Variants in NUSAP1 observed in about 807,000 individuals in gnomAD.
The protein encoded by NUSAP1 is nucleolar and spindle associated protein 1, also known as nucleolar and spindle-associated protein 1.
Under a neutral mutation model 52.8 loss-of-function variants are expected in NUSAP1, and 32 were observed. That is an observed-to-expected ratio of 0.61 (90% CI 0.46 to 0.81). NUSAP1 has a LOEUF of 0.81. NUSAP1 is among the 40% of genes least tolerant of loss of function. NUSAP1 has a pLI of 0.00. For missense variants in NUSAP1, 499 were observed against 522.3 expected, an observed-to-expected ratio of 0.96 and a Z score of 0.43; for synonymous variants, 195 against 183.1, an observed-to-expected ratio of 1.06 and a Z score of -0.52.
intron 4 of NUSAP1, among the ~76,000 whole-genome samples, chr15:41,355,607 C>T (rs371366918): frequency 1.3e-5 from 2 of 152,018 alleles, no homozygotes; most frequent in African/African-American, 4.8e-5. Context: ...GTTTCTACCA[C>T]CATCTTGACA....
chr15:41,374,111 T>C (rs2049823843), intron 8 of NUSAP1, among the ~76,000 whole-genome samples: 1 of 152,248 alleles, frequency 6.6e-6, no homozygotes, highest in African/African-American at 2.4e-5. Flanking sequence ...TCCTCAATTA[T>C]TGTTTTCCCC....
chr15:41,377,509 C>T (rs757105624), intron 10 of NUSAP1, among the ~76,000 whole-genome samples: 1 of 150,342 alleles, frequency 6.7e-6, no homozygotes, highest in Non-Finnish European at 1.5e-5. Context: ...ACCATCCTGG[C>T]TAACACGGTG....
At chr15:41,337,985 T>G (rs919306182) in intron 1 of NUSAP1, among the ~76,000 whole-genome samples, 5 of 144,172 alleles carry the variant, frequency 3.5e-5, no homozygotes, top group Admixed American at 1.5e-4. Flanking sequence ...CAGGCTAGAG[T>G]GCAGTGGCGC....
intron 6 of NUSAP1, among the ~76,000 whole-genome samples, chr15:41,364,070 G>A (rs1232754482): frequency 2.0e-5 from 3 of 152,030 alleles, no homozygotes; most frequent in South Asian, 2.1e-4. Context: ...GGGCTTAAGC[G>A]ATCCTCCTGC....
chr15:41,378,042 A>G (rs545382109), intron 10 of NUSAP1, among the ~76,000 whole-genome samples: 1 of 152,048 alleles, frequency 6.6e-6, no homozygotes, highest in African/African-American at 2.4e-5. Flanking sequence ...ACATCTGCCT[A>G]GGTTCCAGTG....
At position 41,378,958 on chromosome 15, in the gene NUSAP1, T is replaced by TTTTTTTTTTG. The variant is rs1411472392; in HGVS notation, c.1233-1126_1233-1125insGTTTTTTTTT. On this transcript the variant is annotated intron_variant, in intron 10 of 10. Transcript: ENST00000559596. ...AACTTATCTTGGTTTTTTTTTTTTTTTTTTTTTTTTTTTGAGATGGAGTCT... is the reference window on the plus strand; with the variant it reads ...AACTTATCTTGGTTTTTTTTTTTTTTTTTTTTTTTGTTTTTTTTTTTTTGAGATGGAGTCT... Among the ~76,000 whole-genome samples, 62 of 114,190 alleles carry TTTTTTTTTTG rather than the reference T, an allele frequency of 5.4e-4. 2 individuals carry two copies. The highest frequency in any genetic ancestry group is 1.1e-3 in the Non-Finnish European group (60 of 55,628). 74.9% of individuals were successfully genotyped at this position (114,190 alleles called of 152,430 possible).
rs1220073084 is a variant in NUSAP1, at chr15:41,362,987, A to ATAT, written c.661-2414_661-2412dup. On this transcript the variant is annotated intron_variant, in intron 6 of 10. Coordinates refer to ENST00000559596, the MANE Select transcript of NUSAP1 (RefSeq NM_016359.5). ...CCCTGTCTCAAAAAAATGTATAGAC[A>ATAT]TATATACTTATATATATGGCTGGGC... Among the ~76,000 whole-genome samples the ATAT allele has an allele frequency of 3.3e-5, 5 of 152,042 alleles. No homozygotes were observed. The East Asian group carries it at 9.8e-4, about 30-fold the overall frequency.
chr15:41,379,729 T>C (rs899807441), intron 10 of NUSAP1, among the ~76,000 whole-genome samples: 6 of 152,044 alleles, frequency 3.9e-5, no homozygotes, highest in African/African-American at 1.4e-4. Context: ...GTATTTTTAG[T>C]AGAGACGGGG....
rs183357826 is a variant in NUSAP1 at position 41,371,591 on chromosome 15, T to A, written c.913T>A (p.Ser305Thr). Residue 305 changes from serine to threonine, a missense_variant, in exon 8 of 11, where the codon TCT (serine) becomes ACT (threonine). Ser to Thr is a moderately conservative substitution (Grantham distance 58). Transcript: ENST00000559596. ...RSLTKTPARKSAHVTVSGGTP... is the reference protein window; with the variant it reads ...RSLTKTPARKTAHVTVSGGTP... ...ACTGACCAAGACTCCAGCCAGAAAG[T>A]CTGCACATGTGACCGTGTCTGGGGG... 1.9e-4 allele frequency: 310 copies of A among 1,611,558 alleles called. No individual in the cohort carries two copies. Among genetic ancestry groups the A allele is most frequent in the Non-Finnish European group, 2.5e-4 (291 of 1,179,322 alleles).
In NUSAP1 at chr15:41,380,404, C is replaced by T. The variant is rs1481392228; in HGVS notation, c.*218C>T. ...CTTTGGGATGGTTTTTACTTAAGTC[C>T]ATTAACAATTCAGGTTTCTAACGAG... On this transcript the variant is annotated 3_prime_UTR_variant, in exon 11 of 11. Coordinates refer to ENST00000559596, the MANE Select transcript of NUSAP1 (RefSeq NM_016359.5). 2.2e-5 allele frequency: 8 copies of T among 361,810 alleles called. No individual in the cohort carries two copies. The highest frequency in any genetic ancestry group is 1.3e-4 in the African/African-American group (6 of 47,034). The allele number at this position is 361,810 out of a possible 1,614,324, so 22.4% of individuals were successfully genotyped here.
At chr15:41,346,431 G>A (rs1265108233) in intron 2 of NUSAP1, among the ~76,000 whole-genome samples, 2 of 152,004 alleles carry the variant, frequency 1.3e-5, no homozygotes, top group Non-Finnish European at 2.9e-5. Context: ...AGCCTCATAA[G>A]TAGCTGGAAC....
chr15:41,350,841 G>A (rs2048750446), intron 3 of NUSAP1, 147 bp from the exon 4 acceptor site: 1 of 649,302 alleles, frequency 1.5e-6, no homozygotes, highest in Non-Finnish European at 2.6e-6. Flanking sequence ...CAGTTGATAA[G>A]GCAGAGAACC....
At position 41,351,185 on chromosome 15, in the gene NUSAP1, G is replaced by A. The variant is rs2140632919; in HGVS notation, c.448+56G>A. ...ACTTTAAAAACCAAAATTGCTAGAA[G>A]TAGCCAGGTACATTAATTTCCTAGG... On this transcript the variant is annotated intron_variant, in intron 4 of 10. Transcript: ENST00000559596. The A allele has an allele frequency of 3.2e-6, 5 of 1,553,726 alleles. No homozygotes were observed. In the Admixed American group the frequency reaches 5.8e-5, roughly 18 times the overall value.
Position 41,356,114 on chromosome 15 carries a change from A to T in NUSAP1, c.524A>T (p.Asn175Ile). Residue 175 changes from asparagine (N) to isoleucine (I), a missense_variant, in exon 5 of 11, where the codon AAT becomes ATT. By Grantham distance (149) the Asn-to-Ile change is moderately radical. Coordinates refer to ENST00000559596, the MANE Select transcript of NUSAP1 (RefSeq NM_016359.5). ...GATGAGTCATCCAAACCTGGAAAAA[A>T]TAAAAGAACTGCAATCACTACTCCA... ...YTDESSKPGK[N>I]KRTAITTPNF... 6.2e-7 allele frequency: 1 copy of T among 1,605,236 alleles called. No individual in the cohort carries two copies. Among genetic ancestry groups the T allele is most frequent in the South Asian group, 1.1e-5 (1 of 89,978 alleles).
intron 3 of NUSAP1, among the ~76,000 whole-genome samples, chr15:41,350,301 C>T (rs1431921474): frequency 1.3e-5 from 2 of 152,162 alleles, no homozygotes; most frequent in South Asian, 4.2e-4. Flanking sequence ...TAATCTATAG[C>T]GTAACATAAC....
In NUSAP1 at chr15:41,351,235, T is replaced by G. The variant is rs1308918980; in HGVS notation, c.448+106T>G. On this transcript the variant is annotated intron_variant, in intron 4 of 10. Coordinates refer to ENST00000559596, the MANE Select transcript of NUSAP1 (RefSeq NM_016359.5). ...GACTGTTGTGACAAAGCACCACAACTGGGCAGCTTAGAACAACAGAAATTT... is the reference window on the plus strand; with the variant it reads ...GACTGTTGTGACAAAGCACCACAACGGGGCAGCTTAGAACAACAGAAATTT... 3 of 1,156,312 alleles carry G rather than the reference T, an allele frequency of 2.6e-6. No homozygotes were observed. The African/African-American group carries it at 4.7e-5, about 18-fold the overall frequency. The allele number at this position is 1,156,312 out of a possible 1,614,324, so 71.6% of individuals were successfully genotyped here.
chr15:41,369,833 C>T (rs771739956), intron 7 of NUSAP1, among the ~76,000 whole-genome samples: 77 of 151,296 alleles, frequency 5.1e-4, no homozygotes, highest in Non-Finnish European at 4.3e-4. Flanking sequence ...TTTGGGAGGC[C>T]GAGGCGGGCA....
In NUSAP1 at chr15:41,359,754, TC is replaced by T. The variant is rs945251075; in HGVS notation, c.660+1500del. Among the ~76,000 whole-genome samples the T allele has an allele frequency of 2.0e-5, 3 of 151,828 alleles. No homozygotes were observed. In the Admixed American group the frequency reaches 2.0e-4, roughly 10 times the overall value. ...TCAAGTGATTTTCCTGCCTTTAGCC[TC>T]CCCAGTAGCTGAGATTACAGGCGCC... On this transcript the variant is annotated intron_variant, in intron 6 of 10. Transcript: ENST00000559596.
intron 7 of NUSAP1, among the ~76,000 whole-genome samples, chr15:41,367,903 C>G (rs1470283646): frequency 6.6e-6 from 1 of 152,084 alleles, no homozygotes; most frequent in Admixed American, 6.6e-5. Context: ...CTGATGCACT[C>G]CAGTGCTTTC....
Sources: allele counts gnomAD v4.1 joint callset (sites outside exome capture counted in the v4.1 genomes callset), GRCh38; gene constraint gnomAD v4.1.1; transcripts MANE v1.5; gene names NCBI Gene and HGNC (gene_info 2026-07-23, HGNC 2026-07-21).